The following MAD1L1 variants were observed in gnomAD, a reference collection of about 807,000 sequenced individuals.
MAD1L1 encodes mitotic spindle assembly checkpoint protein MAD1.
MAD1L1 carries 95 observed loss-of-function variants against 96.9 expected under a neutral mutation model. The observed-to-expected ratio is 0.98, with a 90% CI of 0.83 to 1.16. The LOEUF (loss-of-function observed/expected upper bound fraction) is 1.16. MAD1L1 is among the 50% of genes most tolerant of loss of function. The pLI is 0.00. For missense variants in MAD1L1, 1,007 were observed against 954.4 expected (o/e 1.06, Z -0.73); for synonymous variants, 473 against 396.6 (o/e 1.19, Z -2.29).
At chr7:1,884,645 A>G (rs566351036) in intron 18 of MAD1L1, among the ~76,000 whole-genome samples, 2 of 152,362 alleles carry the variant, frequency 1.3e-5, no homozygotes, top group African/African-American at 4.8e-5. Flanking sequence ...CTGGTGAGAC[A>G]GCCCGAGAGG....
At chr7:1,840,382 C>T (rs953045870) in intron 18 of MAD1L1, among the ~76,000 whole-genome samples, 12 of 152,220 alleles carry the variant, frequency 7.9e-5, no homozygotes, top group African/African-American at 2.9e-4. Context: ...TCTGCACAGT[C>T]TTTGAATCGG....
intron 12 of MAD1L1, among the ~76,000 whole-genome samples, chr7:2,041,041 C>T (rs1201090398): frequency 6.6e-6 from 1 of 152,190 alleles, no homozygotes; most frequent in East Asian, 1.9e-4. Context: ...GGGCTCCATC[C>T]TACCCCCTGC....
intron 18 of MAD1L1, chr7:1,874,488 C>T (rs906357897): frequency 1.5e-5 from 7 of 454,088 alleles, no homozygotes; most frequent in Non-Finnish European, 3.1e-5. Context: ...GAGGGCTGAC[C>T]TTTTGATCTT....
At chr7:2,090,203 G>A (rs1401062786) in intron 11 of MAD1L1, among the ~76,000 whole-genome samples, 1 of 151,396 alleles carries the variant, frequency 6.6e-6, no homozygotes, top group Non-Finnish European at 1.5e-5. Context: ...GTTCTAAGGT[G>A]GAGGTGAGAG....
chr7:1,878,737 C>A (rs995465610), intron 18 of MAD1L1, among the ~76,000 whole-genome samples: 2 of 147,740 alleles, frequency 1.4e-5, no homozygotes, highest in Non-Finnish European at 3.0e-5. Context: ...AATGTCCCCC[C>A]CCCCCCATTC....
chr7:1,888,080 C>CA (rs564900689), intron 18 of MAD1L1, among the ~76,000 whole-genome samples: 13 of 143,068 alleles, frequency 9.1e-5, no homozygotes, highest in African/African-American at 3.4e-4. Flanking sequence ...GCTGTGCATG[C>CA]ATGAGCATGC....
At chr7:1,921,700 TA>T (rs901506330) in intron 17 of MAD1L1, among the ~76,000 whole-genome samples, 4 of 151,882 alleles carry the variant, frequency 2.6e-5, no homozygotes, top group Admixed American at 2.6e-4. Flanking sequence ...TAAATGAAAT[TA>T]AAAAAAACAA....
At chr7:1,999,886 C>A (rs1781716003) in intron 14 of MAD1L1, among the ~76,000 whole-genome samples, 1 of 152,182 alleles carries the variant, frequency 6.6e-6, no homozygotes, top group African/African-American at 2.4e-5. Context: ...GAAAACACTT[C>A]CTTCTCCAGG....
intron 18 of MAD1L1, chr7:1,829,811 A>T (rs1424274446): frequency 6.6e-6 from 1 of 152,174 alleles, no homozygotes; most frequent in Non-Finnish European, 1.5e-5. Flanking sequence ...TACAGATGAA[A>T]TCTTAAAAGC....
At chr7:2,096,342 G>T (rs938538622) in intron 11 of MAD1L1, among the ~76,000 whole-genome samples, 1 of 152,172 alleles carries the variant, frequency 6.6e-6, no homozygotes, top group Non-Finnish European at 1.5e-5. Flanking sequence ...GACCCTCTGC[G>T]CCTGCACACA....
intron 11 of MAD1L1, chr7:2,079,549 C>T: frequency 2.2e-6 from 1 of 449,492 alleles, no homozygotes; most frequent in Non-Finnish European, 4.6e-6. Flanking sequence ...CTGGAATCAC[C>T]AAATTCAATT....
chr7:2,071,124 G>C (rs1785105771), intron 11 of MAD1L1, among the ~76,000 whole-genome samples: 1 of 151,904 alleles, frequency 6.6e-6, no homozygotes, highest in Admixed American at 6.5e-5. Flanking sequence ...CTTCATCCCG[G>C]GGCTGGGGGG....
intron 16 of MAD1L1, among the ~76,000 whole-genome samples, chr7:1,937,554 G>A (rs1026311021): frequency 6.6e-6 from 1 of 152,096 alleles, no homozygotes; most frequent in Non-Finnish European, 1.5e-5. Flanking sequence ...CCTGCAGCAG[G>A]GACAGCCCCC....
At chr7:2,225,791 A>T (rs1003216715) in intron 3 of MAD1L1, among the ~76,000 whole-genome samples, 1 of 152,228 alleles carries the variant, frequency 6.6e-6, no homozygotes, top group African/African-American at 2.4e-5. Flanking sequence ...ATATTAGTGA[A>T]GGCAACGGCC....
intron 18 of MAD1L1, among the ~76,000 whole-genome samples, chr7:1,870,934 C>T (rs2128655878): frequency 6.8e-6 from 1 of 148,058 alleles, no homozygotes; most frequent in Admixed American, 6.7e-5. Flanking sequence ...CCAACATACG[C>T]CTGCCATGCT....
chr7:2,227,996 C>G (rs961398403), intron 3 of MAD1L1, among the ~76,000 whole-genome samples: 2 of 151,708 alleles, frequency 1.3e-5, no homozygotes, highest in African/African-American at 2.4e-5. Context: ...GTTCTCCAGG[C>G]CCTCCCTGCC....
intron 17 of MAD1L1, among the ~76,000 whole-genome samples, chr7:1,901,298 G>A (rs140383670): frequency 2.0e-4 from 31 of 152,360 alleles, no homozygotes; most frequent in Middle Eastern, 3.4e-3. Context: ...CCTTGGAAAT[G>A]TCATTGCTTT....
intron 11 of MAD1L1, among the ~76,000 whole-genome samples, chr7:2,136,049 A>G (rs1238245423): frequency 6.6e-6 from 1 of 151,770 alleles, no homozygotes; most frequent in African/African-American, 2.4e-5. Flanking sequence ...TAGAGCCCCT[A>G]TGTCCACTCC....
chr7:2,054,266 C>T (rs188363486), intron 12 of MAD1L1, among the ~76,000 whole-genome samples: 5 of 152,228 alleles, frequency 3.3e-5, no homozygotes, highest in Non-Finnish European at 7.3e-5. Flanking sequence ...TCCAGTGTAA[C>T]GCAGCCTCCA....
Sources: gnomAD v4.1 joint callset for allele counts (sites outside exome capture counted in the v4.1 genomes callset) on GRCh38, gnomAD v4.1.1 for gene constraint, MANE v1.5 for transcripts, NCBI Gene and HGNC (gene_info 2026-07-23, HGNC 2026-07-21) for gene names.